PKD1: variants seen among roughly 807,000 people sequenced by gnomAD.
PKD1 encodes the protein polycystin-1.
A neutral mutation model predicts 361.7 loss-of-function variants in PKD1; 81 were observed. That is an observed-to-expected ratio of 0.22 (90% CI 0.19 to 0.27). The LOEUF (loss-of-function observed/expected upper bound fraction) is 0.27. Among genes scored for constraint, PKD1 ranks in the 10% least tolerant of loss-of-function variants. The pLI is 1.00. For missense variants in PKD1, 6,399 were observed against 6,118.3 expected (o/e 1.05, Z -1.53); for synonymous variants, 3,615 against 2,818.3 (o/e 1.28, Z -8.95).
chr16:2,106,234 G>A lies in PKD1; in HGVS notation c.7560C>T (p.Gly2520=). 3 of 1,610,234 alleles carry A rather than the reference G, an allele frequency of 1.9e-6. No individual in the cohort carries two copies. The highest frequency in any genetic ancestry group is 2.5e-6 in the Non-Finnish European group (3 of 1,179,530). ...YALLLRRCRQ[G]HCEEFCVYKG... is the part of the protein sequence containing the mutation. ...TGTAGACACAGAACTCCTCGCAGTG[G>A]CCCTGGCGACAGCGCCGCAGCAGCA... The change falls in exon 19 of 46, where the codon GGC becomes GGT. Residue 2520 remains glycine, a synonymous_variant. Transcript: ENST00000262304. The surrounding 1 kb of genome is among the most constrained non-coding windows in gnomAD (Gnocchi z 6.5).
intron 1 of PKD1, among the ~76,000 whole-genome samples, chr16:2,132,656 T>C (rs1399725620): frequency 6.6e-6 from 1 of 151,318 alleles, no homozygotes; most frequent in Non-Finnish European, 1.5e-5. Context: ...ATTCAAACTA[T>C]TAAACCAAAA....
rs752114168 is a variant in PKD1 at position 2,106,877 on chromosome 16, G to A, written c.7137C>T (p.Tyr2379=). 24 of 1,552,828 alleles carry A rather than the reference G, an allele frequency of 1.5e-5. No homozygotes were observed. Among genetic ancestry groups the A allele is most frequent in the East Asian group, 2.2e-5 (1 of 44,836 alleles). The change falls in exon 17 of 46, where the codon TAC becomes TAT. Residue 2379 remains tyrosine, a synonymous_variant. Transcript: ENST00000262304. This position sits in a 1 kb window ranked among gnomAD's most constrained non-coding sequence, Gnocchi z 6.5. ...ACACGTAGGAGCTGCGGCTCACTTCGTACACGGCCTGTGCCTTGCAGGACA... is the reference window on the plus strand; with the variant it reads ...ACACGTAGGAGCTGCGGCTCACTTCATACACGGCCTGTGCCTTGCAGGACA... ...ECVSCKAQAV[Y]EVSRSSYVYL... is the part of the protein sequence containing the mutation.
rs1318938529 is a variant in PKD1 at position 2,118,442 on chromosome 16, G to C, written c.550C>G (p.Leu184Val). ...SGCGEEYVAC[L>V]PDNSSGTVAA... ...ACGGTGCCTGAGCTGTTGTCAGGGAGGCAGGCGACATACTCCTCACCTAGA... is the reference window on the plus strand; with the variant it reads ...ACGGTGCCTGAGCTGTTGTCAGGGACGCAGGCGACATACTCCTCACCTAGA... Residue 184 changes from leucine to valine, a missense_variant, in exon 5 of 46, where the codon CTC becomes GTC. Transcript: ENST00000262304. The surrounding 1 kb of genome is among the most constrained non-coding windows in gnomAD (Gnocchi z 6.0). 1 of 1,191,778 alleles carries C rather than the reference G, an allele frequency of 8.4e-7. No individual in the cohort carries two copies. The highest frequency in any genetic ancestry group is 2.5e-5 in the East Asian group (1 of 39,474). 73.8% of individuals were successfully genotyped at this position (1,191,778 alleles called of 1,614,324 possible).
chr16:2,107,050 G>T (rs1313491946), intron 16 of PKD1, 102 bp from the exon 17 acceptor site: 1 of 1,143,062 alleles, frequency 8.7e-7, no homozygotes, highest in South Asian at 1.2e-5. Flanking sequence ...AGGTTTCCCA[G>T]GGGCCTGGCC....
chr16:2,101,111 A>G (rs2092079313), intron 26 of PKD1, among the ~76,000 whole-genome samples: 2 of 151,594 alleles, frequency 1.3e-5, no homozygotes, highest in African/African-American at 4.9e-5. Flanking sequence ...TCAGTCTCCC[A>G]AGGAGCTGGG....
intron 30 of PKD1, 134 bp from the exon 31 acceptor site, chr16:2,098,118 G>C: frequency 1.5e-6 from 1 of 649,034 alleles, no homozygotes; most frequent in Non-Finnish European, 2.8e-6. Flanking sequence ...TGGATATATG[G>C]GACATCTGCA....
In PKD1 at chr16:2,091,135, C is replaced by T. The variant is rs1555445229; in HGVS notation, c.11752G>A (p.Glu3918Lys). ...LLFAVHFAVA[E>K]ARTWHREGRW... ...CCTTCCCTGTGCCAAGTACGGGCCT[C>T]GGCCACGGCGAAGTGCACGGCGAAC... The change falls in exon 43 of 46, where the codon GAG (glutamate) becomes AAG (lysine). Residue 3918 changes from glutamate to lysine, a missense_variant. By Grantham distance (56) the Glu-to-Lys change is moderately conservative. Transcript: ENST00000262304. The T allele has an allele frequency of 1.4e-6, 2 of 1,481,310 alleles. No homozygotes were observed. Among genetic ancestry groups the T allele is most frequent in the African/African-American group, 1.5e-5 (1 of 68,180 alleles). The allele number at this position is 1,481,310 out of a possible 1,614,324, so 91.8% of individuals were successfully genotyped here.
chr16:2,113,373 G>C, intron 11 of PKD1, 81 bp from the exon 12 acceptor site: 1 of 1,340,498 alleles, frequency 7.5e-7, no homozygotes, highest in South Asian at 1.3e-5. Context: ...ACCTCCCGTC[G>C]GGCTGGAGAG....
rs767385060 is a variant in PKD1 at position 2,089,836 on chromosome 16, G to A, written c.12803C>T (p.Pro4268Leu). The A allele has an allele frequency of 9.3e-5, 149 of 1,604,572 alleles. No individual in the cohort carries two copies. Among genetic ancestry groups the A allele is most frequent in the Non-Finnish European group, 1.2e-4 (141 of 1,176,382 alleles). The stretch of plus-strand genomic sequence containing the variant: ...CCGGGCAAGGCGGCTGGGCAGTGCT[G>A]GCCGCAGGCCCGGGGATGGGCCACG... Reference protein sequence around the residue: ...SSRGPSPGLRPALPSRLARAS... With the variant: ...SSRGPSPGLRLALPSRLARAS... Residue 4268 changes from proline to leucine, a missense_variant, in exon 46 of 46, where the codon CCA becomes CTA. Pro to Leu is a moderately conservative substitution (Grantham distance 98, BLOSUM62 -3). Transcript: ENST00000262304.
intron 33 of PKD1, 38 bp downstream of exon 33, chr16:2,097,281 G>C: frequency 6.2e-7 from 1 of 1,609,282 alleles, no homozygotes; most frequent in Non-Finnish European, 8.5e-7. Flanking sequence ...CAGCTGCAAG[G>C]GTGAGCTTCA....
chr16:2,089,654 T>C lies in PKD1; in HGVS notation c.*73A>G, dbSNP rs2091365542. On this transcript the variant is annotated 3_prime_UTR_variant, in exon 46 of 46. Coordinates refer to ENST00000262304, the MANE Select transcript of PKD1 (RefSeq NM_001009944.3). ...CAGCCATTCTGCCTGGCCCTCGGCC[T>C]TGACAGCGGCAGAAAGTAATACTGA... 6.5e-7 allele frequency: 1 copy of C among 1,526,854 alleles called. No homozygotes were observed. Among genetic ancestry groups the C allele is most frequent in the South Asian group, 1.2e-5 (1 of 83,338 alleles). 94.6% of individuals were successfully genotyped at this position (1,526,854 alleles called of 1,614,324 possible).
rs895981838 is a variant in PKD1 at position 2,088,879 on chromosome 16, G to GCGCA, written c.*844_*847dup. 1.1e-4 allele frequency: 50 copies of GCGCA among 469,718 alleles called. No individual in the cohort carries two copies. Among genetic ancestry groups the GCGCA allele is most frequent in the South Asian group, 3.8e-4 (18 of 47,404 alleles). 29.1% of individuals were successfully genotyped at this position (469,718 alleles called of 1,614,324 possible). A position where few individuals can be genotyped will look rare whatever the true frequency, so the allele number is the denominator to read the frequency against. Reference sequence around the variant, plus strand: ...ATACAGCACACTCGCGCGTGCGCGCGCGCACACACACACACACACAGTCAC... The same window carrying GCGCA: ...ATACAGCACACTCGCGCGTGCGCGCGCGCACGCACACACACACACACACAGTCAC... On this transcript the variant is annotated 3_prime_UTR_variant, in exon 46 of 46. Transcript: ENST00000262304.
At position 2,117,869 on chromosome 16, in the gene PKD1, G is replaced by C. The variant is rs546468897; in HGVS notation, c.1123C>G (p.Leu375Val). 6.3e-6 allele frequency: 8 copies of C among 1,268,062 alleles called. No individual in the cohort carries two copies. In the Admixed American group the frequency reaches 7.9e-5, roughly 13 times the overall value. The allele number at this position is 1,268,062 out of a possible 1,614,324, so 78.6% of individuals were successfully genotyped here. A position where few individuals can be genotyped will look rare whatever the true frequency, so the allele number is the denominator to read the frequency against. The change falls in exon 5 of 46, where the codon CTC becomes GTC. Residue 375 changes from leucine to valine, a missense_variant. Transcript: ENST00000262304. ...SSVQSDESLD[L>V]SIQNRGGSGL... ...GAACCACCGCGGTTCTGGATGCTGA[G>C]GTCGAGGCTCTCGTCACTCTGCACC...
In PKD1 at chr16:2,111,250, G is replaced by C. The variant is rs762931695; in HGVS notation, c.3917C>G (p.Pro1306Arg). 6.2e-7 allele frequency: 1 copy of C among 1,610,562 alleles called. No homozygotes were observed. The highest frequency in any genetic ancestry group is 1.3e-5 in the African/African-American group (1 of 74,998). Residue 1306 changes from proline to arginine, a missense_variant, in exon 15 of 46, where the codon CCC becomes CGC. By Grantham distance (103) the Pro-to-Arg change is moderately radical. Coordinates refer to ENST00000262304, the MANE Select transcript of PKD1 (RefSeq NM_001009944.3). ...CGTGAGCCGCGCGTCAGGCTGCGTG[G>C]GGATGCAGGCGGCGGGTTCAACGCG... ...VLRVEPAACI[P>R]TQPDARLTAY...
chr16:2,090,801 T>G lies in PKD1; in HGVS notation c.12011A>C (p.Gln4004Pro). The change falls in exon 44 of 46, where the codon CAG becomes CCG. Residue 4004 changes from glutamine (Q) to proline (P), a missense_variant. Transcript: ENST00000262304. The part of the protein sequence containing the change: ...LLFLLLVKAA[Q>P]QLRFVRQWSV... ...CCACTGGCGCACGAAGCGTAGCTGC[T>G]GGGCAGCCTGCGGACGAGAAATCTG... The G allele has an allele frequency of 6.2e-7, 1 of 1,612,446 alleles. No homozygotes were observed. Among genetic ancestry groups the G allele is most frequent in the Non-Finnish European group, 8.5e-7 (1 of 1,179,942 alleles).
At chr16:2,116,221 G>A (rs954204910) in intron 8 of PKD1, 103 bp from the exon 9 acceptor site, 19 of 1,237,264 alleles carry the variant, frequency 1.5e-5, no homozygotes, top group Admixed American at 7.8e-5. Flanking sequence ...GAAGGAGAGC[G>A]AGCCATCAGA....
intron 1 of PKD1, among the ~76,000 whole-genome samples, chr16:2,130,039 C>T (rs1441772595): frequency 6.6e-6 from 1 of 152,192 alleles, no homozygotes; most frequent in South Asian, 2.1e-4. Flanking sequence ...CTTCCCCCAC[C>T]CCTGCCGGCA....
Position 2,108,249 on chromosome 16 carries a change from G to C in PKD1, c.6915+3C>G, listed in dbSNP as rs748525881. ...ATGGAGGACGGCCCTGCCACGCACT[G>C]ACCTGTGTCGAAGCCACACAGGCCC... is the stretch of plus-strand genomic sequence containing the variant. On this transcript the variant is annotated splice_donor_region_variant and intron_variant, in intron 15 of 45. Transcript: ENST00000262304. 21 of 1,597,272 alleles carry C rather than the reference G, an allele frequency of 1.3e-5. No homozygotes were observed. In the Admixed American group the frequency reaches 3.2e-4, roughly 24 times the overall value.
At chr16:2,098,619 T>C (rs1596506716) in intron 30 of PKD1, among the ~76,000 whole-genome samples, 2 of 145,108 alleles carry the variant, frequency 1.4e-5, no homozygotes, top group African/African-American at 5.4e-5. Context: ...GCCTTCTCTG[T>C]GTGCTGCTGG....
Sources: allele counts gnomAD v4.1 joint callset (sites outside exome capture counted in the v4.1 genomes callset), GRCh38; gene constraint gnomAD v4.1.1; non-coding constraint Gnocchi (gnomAD v3.1); transcripts MANE v1.5; gene names NCBI Gene and HGNC (gene_info 2026-07-23, HGNC 2026-07-21).